Variants in SETDB1 observed in about 807,000 individuals in gnomAD.
The protein encoded by SETDB1 is SET domain bifurcated histone lysine methyltransferase 1.
Under a neutral mutation model 137.4 loss-of-function variants are expected in SETDB1, and 31 were observed. The observed-to-expected ratio is 0.23, with a 90% confidence interval of 0.17 to 0.30. SETDB1 has a LOEUF of 0.30. Ranked by LOEUF, SETDB1 falls within the 10% of genes least tolerant of loss-of-function variation. The pLI, the probability that SETDB1 is intolerant of heterozygous loss-of-function variation, is 1.00. For missense variants in SETDB1, 1,113 were observed against 1,631.5 expected (o/e 0.68, Z 5.47); for synonymous variants, 548 against 579.9 (o/e 0.95, Z 0.79).
chr1:150,959,456 AAG>A (rs1670752043), intron 15 of SETDB1, 109 bp downstream of exon 15: 1 of 892,520 alleles, frequency 1.1e-6, no homozygotes, highest in Non-Finnish European at 1.8e-6. Context: ...GAACTGGAGT[AAG>A]AGGAGGCCAG....
At chr1:150,931,975 T>C (rs997641421) in intron 3 of SETDB1, among the ~76,000 whole-genome samples, 9 of 152,100 alleles carry the variant, frequency 5.9e-5, no homozygotes, top group African/African-American at 2.2e-4. Context: ...TAAGAATGTA[T>C]TACAGTAGTT....
intron 14 of SETDB1, 124 bp downstream of exon 14, chr1:150,951,605 C>G: frequency 1.8e-6 from 1 of 555,168 alleles, no homozygotes; most frequent in South Asian, 2.9e-5. Flanking sequence ...CCAGATGAGG[C>G]ATTTTATTAA....
At position 150,964,698 on chromosome 1, in the gene SETDB1, A is replaced by G. The variant is rs1049852375; in HGVS notation, c.*334A>G. On this transcript the variant is annotated 3_prime_UTR_variant, in exon 22 of 22. Transcript: ENST00000692827. ...TGTGTATCTACTATCTCCAGTTTGTATTATTTCTTGAAAGTCTTTTAACAA... is the reference window on the plus strand; with the variant it reads ...TGTGTATCTACTATCTCCAGTTTGTGTTATTTCTTGAAAGTCTTTTAACAA... The G allele has an allele frequency of 2.4e-5, 14 of 587,854 alleles. No homozygotes were observed. In the East Asian group the frequency reaches 3.6e-4, roughly 15 times the overall value. The allele number at this position is 587,854 out of a possible 1,614,324, so 36.4% of individuals were successfully genotyped here.
chr1:150,945,164 A>C (rs781639195), intron 9 of SETDB1, 56 bp downstream of exon 9: 1 of 1,607,274 alleles, frequency 6.2e-7, no homozygotes, highest in Non-Finnish European at 8.5e-7. Context: ...GGAACTTAAG[A>C]AGCAGTAATG....
chr1:150,933,779 C>CTTTTT (rs890205371), intron 3 of SETDB1, among the ~76,000 whole-genome samples: 1 of 20,112 alleles, frequency 5.0e-5, no homozygotes, highest in African/African-American at 9.0e-5. Context: ...TTTTCTTTTT[C>CTTTTT]TTTTTTTTTT....
In SETDB1 at chr1:150,951,104, G is replaced by T; in HGVS notation, c.2216+14G>T. On this transcript the variant is annotated intron_variant, in intron 13 of 21. Transcript: ENST00000692827. ...GTGTCGGGACAAGTGAGTTGGTGGG[G>T]GGAATTGCTGCCCCTGCTTCCAACT... 1 of 1,595,144 alleles carries T rather than the reference G, an allele frequency of 6.3e-7. No homozygotes were observed. Among genetic ancestry groups the T allele is most frequent in the Non-Finnish European group, 8.6e-7 (1 of 1,168,604 alleles).
chr1:150,961,272 A>G (rs929169825), intron 16 of SETDB1, 81 bp downstream of exon 16: 223 of 1,367,028 alleles, frequency 1.6e-4, no homozygotes, highest in Non-Finnish European at 2.1e-4. Flanking sequence ...GAGTCTTTGC[A>G]TGTAGATTAT....
chr1:150,962,000 TA>T, intron 16 of SETDB1, 129 bp from the exon 17 acceptor site: 2 of 1,090,560 alleles, frequency 1.8e-6, no homozygotes, highest in Non-Finnish European at 2.8e-6. Flanking sequence ...CAGAGTGGTT[TA>T]CCCACCCCAC....
intron 3 of SETDB1, among the ~76,000 whole-genome samples, chr1:150,934,567 A>T (rs1669890403): frequency 6.6e-6 from 1 of 152,206 alleles, no homozygotes; most frequent in African/African-American, 2.4e-5. Flanking sequence ...TATTATAGCT[A>T]CATGTTTAAA....
In SETDB1 at chr1:150,963,832, A is replaced by G. The variant is rs764800327; in HGVS notation, c.3672+91A>G. The G allele has an allele frequency of 3.4e-4, 473 of 1,391,828 alleles. 1 individual carries two copies. Among genetic ancestry groups the G allele is most frequent in the Non-Finnish European group, 4.6e-4 (454 of 983,000 alleles). The allele number at this position is 1,391,828 out of a possible 1,614,324, so 86.2% of individuals were successfully genotyped here. On this transcript the variant is annotated intron_variant, in intron 20 of 21. Transcript: ENST00000692827. ...ACTCTATAAGCCCTTTTCTTGTTAT[A>G]AACTCTTGATCTCAAAGGATCTTAA...
At chr1:150,950,305 G>C (rs1456413559) in intron 12 of SETDB1, among the ~76,000 whole-genome samples, 153 bp from the exon 13 acceptor site, 1 of 152,134 alleles carries the variant, frequency 6.6e-6, no homozygotes, top group Non-Finnish European at 1.5e-5. Flanking sequence ...GTCCAGGTTT[G>C]GTAGGGCAAG....
intron 9 of SETDB1, among the ~76,000 whole-genome samples, chr1:150,945,560 A>C (rs1046932234): frequency 3.3e-5 from 5 of 152,188 alleles, no homozygotes; most frequent in African/African-American, 1.2e-4. Flanking sequence ...CTTATTTTTA[A>C]AAGTTTTAAA....
At chr1:150,938,091 C>T (rs1443924143) in intron 3 of SETDB1, among the ~76,000 whole-genome samples, 4 of 151,924 alleles carry the variant, frequency 2.6e-5, no homozygotes, top group South Asian at 2.1e-4. Flanking sequence ...TGTGGTGGCG[C>T]GTGCCTGTAA....
chr1:150,942,757 TCC>T lies in SETDB1; in HGVS notation c.673+72_673+73del, dbSNP rs1571639459. 14 of 1,597,610 alleles carry T rather than the reference TCC, an allele frequency of 8.8e-6. No homozygotes were observed. In the East Asian group the frequency reaches 3.1e-4, roughly 36 times the overall value. On this transcript the variant is annotated intron_variant, in intron 6 of 21. Transcript: ENST00000692827. Reference sequence around the variant, plus strand: ...ACCCTCCACTGCTGATTGTTTCTTTTCCCCATAACCTTCCCATTTGTCTCTCA... The same window carrying T: ...ACCCTCCACTGCTGATTGTTTCTTTTCCATAACCTTCCCATTTGTCTCTCA...
intron 3 of SETDB1, among the ~76,000 whole-genome samples, chr1:150,931,909 A>G (rs1466190131): frequency 6.6e-6 from 1 of 151,794 alleles, no homozygotes; most frequent in Non-Finnish European, 1.5e-5. Flanking sequence ...TGGATTTTGG[A>G]TTTTGTCAGC....
At chr1:150,961,861 T>C (rs587600339) in intron 16 of SETDB1, 1 of 525,078 alleles carries the variant, frequency 1.9e-6, no homozygotes, top group Non-Finnish European at 3.4e-6. Context: ...CTTTCCACAT[T>C]ACAGATGGTG....
At chr1:150,958,475 C>T (rs868536394) in intron 14 of SETDB1, among the ~76,000 whole-genome samples, 1 of 151,898 alleles carries the variant, frequency 6.6e-6, no homozygotes, top group Non-Finnish European at 1.5e-5. Context: ...TGGTCTCACT[C>T]TCCTGACCTC....
rs587762351 is a variant in SETDB1 at position 150,954,071 on chromosome 1, G to C, written c.2333+2590G>C. 1.4e-4 allele frequency among the ~76,000 whole-genome samples: 21 copies of C among 152,150 alleles called. No individual in the cohort carries two copies. The East Asian group carries it at 3.9e-3, about 28-fold the overall frequency. ...GGGTTTCACCATGTTAGCCAGGATG[G>C]TCTCTATCTCCTGACCTCATGATCC... On this transcript the variant is annotated intron_variant, in intron 14 of 21. Transcript: ENST00000692827.
At chr1:150,953,839 A>C (rs866178649) in intron 14 of SETDB1, among the ~76,000 whole-genome samples, 27 of 151,974 alleles carry the variant, frequency 1.8e-4, no homozygotes, top group African/African-American at 6.3e-4. Context: ...AAAAAAAATG[A>C]TTTAAAAATT....
Sources: gnomAD v4.1 joint callset for allele counts (sites outside exome capture counted in the v4.1 genomes callset) on GRCh38, gnomAD v4.1.1 for gene constraint, MANE v1.5 for transcripts, NCBI Gene and HGNC (gene_info 2026-07-23, HGNC 2026-07-21) for gene names.